Variants in KCNH1 observed in about 807,000 individuals in gnomAD.
KCNH1 encodes the protein voltage-gated delayed rectifier potassium channel KCNH1.
Under a neutral mutation model 69.2 loss-of-function variants are expected in KCNH1, and 27 were observed. That is an observed-to-expected ratio of 0.39 (90% confidence interval 0.29 to 0.54). KCNH1 has a LOEUF of 0.54. KCNH1 is among the 20% of genes least tolerant of loss of function. The pLI, the probability that KCNH1 is intolerant of heterozygous loss-of-function variation, is 0.68. For synonymous variants in KCNH1, 456 were observed against 487.7 expected (o/e 0.93, Z 0.86); for missense variants, 798 against 1,261.6 (o/e 0.63, Z 5.57).
At chr1:210,940,079 A>G (rs1433494708) in intron 6 of KCNH1, among the ~76,000 whole-genome samples, 1 of 152,238 alleles carries the variant, frequency 6.6e-6, no homozygotes, top group Non-Finnish European at 1.5e-5. Flanking sequence ...TTGCAACTGT[A>G]TAATGGAATA....
chr1:211,094,863 C>T (rs1306377699), intron 3 of KCNH1, among the ~76,000 whole-genome samples: 1 of 152,190 alleles, frequency 6.6e-6, no homozygotes, highest in Non-Finnish European at 1.5e-5. Context: ...GTATTTCAAC[C>T]TTTTCCACTT....
At chr1:211,088,359 T>C (rs2102471353) in intron 4 of KCNH1, among the ~76,000 whole-genome samples, 1 of 152,252 alleles carries the variant, frequency 6.6e-6, no homozygotes, top group South Asian at 2.1e-4. Flanking sequence ...CAAGAAGAAA[T>C]GTCAAGCCAG....
intron 7 of KCNH1, among the ~76,000 whole-genome samples, chr1:210,888,269 A>G (rs1398572030): frequency 6.6e-6 from 1 of 152,008 alleles, no homozygotes; most frequent in Non-Finnish European, 1.5e-5. Flanking sequence ...CAAAACCACA[A>G]AACAATATGG....
At chr1:210,953,008 CT>C (rs1217602459) in intron 6 of KCNH1, among the ~76,000 whole-genome samples, 1 of 152,182 alleles carries the variant, frequency 6.6e-6, no homozygotes, top group Non-Finnish European at 1.5e-5. Context: ...GCTGTTCCAA[CT>C]TTTCATACTC....
At chr1:211,052,439 A>G (rs1690225091) in intron 5 of KCNH1, among the ~76,000 whole-genome samples, 1 of 152,234 alleles carries the variant, frequency 6.6e-6, no homozygotes, top group Non-Finnish European at 1.5e-5. Context: ...ATGAGAGGCA[A>G]CATTGCTCAA....
intron 6 of KCNH1, among the ~76,000 whole-genome samples, chr1:210,929,197 T>C (rs1190348856): frequency 6.6e-6 from 1 of 152,080 alleles, no homozygotes; most frequent in East Asian, 1.9e-4. Flanking sequence ...ATAACCCTAC[T>C]ACCAAAATCA....
At chr1:210,820,744 C>T (rs1321259384) in intron 7 of KCNH1, among the ~76,000 whole-genome samples, 1 of 151,982 alleles carries the variant, frequency 6.6e-6, no homozygotes, top group Non-Finnish European at 1.5e-5. Flanking sequence ...AAGATCTTTA[C>T]AATGGGGAGG....
At chr1:210,719,337 G>A (rs1682394220) in intron 10 of KCNH1, among the ~76,000 whole-genome samples, 2 of 152,112 alleles carry the variant, frequency 1.3e-5, no homozygotes, top group Admixed American at 6.6e-5. Flanking sequence ...TAGGCATGGG[G>A]ACTTATAAGG....
intron 7 of KCNH1, among the ~76,000 whole-genome samples, chr1:210,892,289 A>G (rs1328890928): frequency 6.6e-6 from 1 of 151,796 alleles, no homozygotes; most frequent in African/African-American, 2.4e-5. Flanking sequence ...ACTCATTTCT[A>G]AAACAGCCTC....
intron 7 of KCNH1, among the ~76,000 whole-genome samples, chr1:210,863,716 C>T (rs1440012712): frequency 6.6e-6 from 1 of 152,200 alleles, no homozygotes; most frequent in Non-Finnish European, 1.5e-5. Flanking sequence ...GGTGCTGAGG[C>T]CCAAAGGAGC....
chr1:211,038,039 A>G (rs1384801108), intron 5 of KCNH1, among the ~76,000 whole-genome samples: 3 of 145,056 alleles, frequency 2.1e-5, no homozygotes, highest in African/African-American at 7.8e-5. Context: ...GGCTCACTGC[A>G]AGCTCCACCT....
At chr1:211,067,517 C>T (rs1473040510) in intron 5 of KCNH1, among the ~76,000 whole-genome samples, 2 of 152,202 alleles carry the variant, frequency 1.3e-5, no homozygotes, top group Admixed American at 6.5e-5. Flanking sequence ...TGATACTACC[C>T]CTGCCCAGTG....
intron 9 of KCNH1, among the ~76,000 whole-genome samples, chr1:210,788,230 C>T (rs1684138691): frequency 1.3e-5 from 2 of 152,198 alleles, no homozygotes; most frequent in Non-Finnish European, 2.9e-5. Context: ...GTCTACTGTC[C>T]AGAAAACTTC....
At chr1:210,772,836 T>C (rs1683778246) in intron 10 of KCNH1, among the ~76,000 whole-genome samples, 1 of 152,208 alleles carries the variant, frequency 6.6e-6, no homozygotes, top group South Asian at 2.1e-4. Context: ...TCTTCCTCTG[T>C]ACCCTGTGGC....
intron 7 of KCNH1, among the ~76,000 whole-genome samples, chr1:210,890,837 T>C (rs982415087): frequency 1.3e-5 from 2 of 152,008 alleles, no homozygotes; most frequent in Non-Finnish European, 1.5e-5. Flanking sequence ...AAAACCACAA[T>C]GAGATACCAT....
intron 6 of KCNH1, among the ~76,000 whole-genome samples, chr1:210,975,943 T>G (rs1480196416): frequency 6.6e-6 from 1 of 152,196 alleles, no homozygotes; most frequent in Admixed American, 6.5e-5. Context: ...AGGCGAAGGA[T>G]ATGAACAGAC....
At chr1:210,710,428 AAG>A (rs903105702) in intron 10 of KCNH1, among the ~76,000 whole-genome samples, 1 of 152,110 alleles carries the variant, frequency 6.6e-6, no homozygotes, top group African/African-American at 2.4e-5. Context: ...GAGAGACAGA[AAG>A]AGAGAGATAT....
intron 8 of KCNH1, among the ~76,000 whole-genome samples, chr1:210,799,124 G>C (rs1684381524): frequency 6.6e-6 from 1 of 151,864 alleles, no homozygotes; most frequent in Non-Finnish European, 1.5e-5. Context: ...AAAAAGGAAA[G>C]AAGGATAGGC....
chr1:210,826,879 T>C (rs550233762), intron 7 of KCNH1, among the ~76,000 whole-genome samples: 6 of 152,256 alleles, frequency 3.9e-5, no homozygotes, highest in Non-Finnish European at 7.3e-5. Flanking sequence ...GCACAGAGCC[T>C]GGGCAGCACC....
Sources: allele counts gnomAD v4.1 joint callset (sites outside exome capture counted in the v4.1 genomes callset), GRCh38; gene constraint gnomAD v4.1.1; transcripts MANE v1.5; gene names NCBI Gene and HGNC (gene_info 2026-07-23, HGNC 2026-07-21).